The following RPTOR variants were observed in gnomAD, a reference collection of about 807,000 sequenced individuals.
The protein encoded by RPTOR is regulatory-associated protein of mTOR.
In RPTOR, 21 loss-of-function variants were observed where a neutral mutation model predicts 169.9. The observed-to-expected ratio is 0.12, with a 90% CI of 0.09 to 0.18. The LOEUF is 0.18. Ranked by LOEUF, RPTOR falls within the 10% of genes least tolerant of loss-of-function variation. The probability of loss-of-function intolerance (pLI) is 1.00; values close to 1 mark genes in which losing one functional copy is unlikely to be tolerated. For synonymous variants in RPTOR, 732 were observed against 753.2 expected, an observed-to-expected ratio of 0.97 and a Z score of 0.46; for missense variants, 1,133 against 1,855.9, an observed-to-expected ratio of 0.61 and a Z score of 7.16.
At chr17:80,688,667 C>T (rs1218248418) in intron 3 of RPTOR, among the ~76,000 whole-genome samples, 3 of 152,232 alleles carry the variant, frequency 2.0e-5, no homozygotes, top group South Asian at 2.1e-4. Flanking sequence ...TTAAGCATCT[C>T]CGGTGCTATG....
At chr17:80,961,528 T>C in intron 31 of RPTOR, 48 bp downstream of exon 31, 5 of 1,523,574 alleles carry the variant, frequency 3.3e-6, no homozygotes, top group Non-Finnish European at 4.4e-6. Flanking sequence ...AAAACATTAT[T>C]TTCCCCTCCA....
intron 13 of RPTOR, among the ~76,000 whole-genome samples, chr17:80,865,053 G>C (rs996198749): frequency 6.6e-6 from 1 of 152,260 alleles, no homozygotes; most frequent in African/African-American, 2.4e-5. Flanking sequence ...ATGGGGAGGA[G>C]AGAGAATGAA....
At chr17:80,956,711 C>T (rs893386988) in intron 28 of RPTOR, among the ~76,000 whole-genome samples, 10 of 152,232 alleles carry the variant, frequency 6.6e-5, no homozygotes, top group African/African-American at 1.9e-4. Flanking sequence ...CTTAGACAGA[C>T]GTTGCTGGAA....
intron 7 of RPTOR, among the ~76,000 whole-genome samples, chr17:80,813,886 C>T (rs918561638): frequency 6.6e-6 from 1 of 152,158 alleles, no homozygotes; most frequent in Non-Finnish European, 1.5e-5. Flanking sequence ...GTAATCCCAG[C>T]AGTTTGGGAG....
rs190166734 is a variant in RPTOR at position 80,774,029 on chromosome 17, C to T, written c.831-17421C>T. On this transcript the variant is annotated intron_variant, in intron 6 of 33. Transcript: ENST00000306801. The stretch of plus-strand genomic sequence containing the variant: ...GGCTGAGTCAGGCTTTAATGTAAAC[C>T]ATCACTCCCTGTTTTTCTATTTCTT... 1.7e-3 allele frequency: 1,689 copies of T among 985,418 alleles called. 3 individuals are homozygous for T. Among genetic ancestry groups the T allele is most frequent in the Non-Finnish European group, 1.9e-3 (1,597 of 829,914 alleles). The allele number at this position is 985,418 out of a possible 1,614,324, so 61.0% of individuals were successfully genotyped here.
chr17:80,575,669 A>G (rs1438820049), intron 1 of RPTOR, among the ~76,000 whole-genome samples: 1 of 152,184 alleles, frequency 6.6e-6, no homozygotes, highest in Non-Finnish European at 1.5e-5. Context: ...TGTGTACTTG[A>G]ACACGATGCG....
At chr17:80,546,154 A>G (rs2084271726) in intron 1 of RPTOR, among the ~76,000 whole-genome samples, 2 of 152,244 alleles carry the variant, frequency 1.3e-5, no homozygotes, top group Admixed American at 6.5e-5. Context: ...TTATACCCAC[A>G]TGATTAGTCT....
chr17:80,585,891 C>CAG lies in RPTOR; in HGVS notation c.163-39799_163-39798insGA, dbSNP rs570865556. ...ATTTGTAGTATTTATGAAAAATACT[C>CAG]ATTCTAAGTCTGCTTCCTTTTATAA... On this transcript the variant is annotated intron_variant, in intron 1 of 33. Transcript: ENST00000306801. Among the ~76,000 whole-genome samples the CAG allele has an allele frequency of 1.9e-3, 293 of 152,254 alleles. 1 individual carries two copies. Among genetic ancestry groups the CAG allele is most frequent in the Non-Finnish European group, 3.6e-3 (243 of 68,028 alleles).
At chr17:80,836,548 G>A (rs957629542) in intron 9 of RPTOR, among the ~76,000 whole-genome samples, 3 of 152,152 alleles carry the variant, frequency 2.0e-5, no homozygotes, top group Admixed American at 6.5e-5. Context: ...AGCAGGGGTC[G>A]GTCAGAGGCA....
intron 1 of RPTOR, among the ~76,000 whole-genome samples, chr17:80,589,704 G>T (rs1355075253): frequency 2.0e-5 from 3 of 151,648 alleles, no homozygotes; most frequent in Non-Finnish European, 4.4e-5. Context: ...ATTGTGTGTT[G>T]TTTGTTCTGG....
intron 3 of RPTOR, among the ~76,000 whole-genome samples, chr17:80,703,257 C>T (rs962554897): frequency 6.6e-6 from 1 of 152,186 alleles, no homozygotes; most frequent in East Asian, 1.9e-4. Context: ...ATTGCCTCGC[C>T]GTCTGGCAAG....
intron 9 of RPTOR, among the ~76,000 whole-genome samples, chr17:80,837,512 T>C (rs376168198): frequency 3.0e-4 from 46 of 152,238 alleles, no homozygotes; most frequent in South Asian, 1.0e-3. Context: ...TCCAGGACGC[T>C]GCCCCATCAG....
At chr17:80,557,997 C>G (rs553051193) in intron 1 of RPTOR, among the ~76,000 whole-genome samples, 1 of 151,432 alleles carries the variant, frequency 6.6e-6, no homozygotes, top group South Asian at 2.1e-4. Context: ...CATTGCAAAT[C>G]AATGCTTTAA....
At chr17:80,749,908 G>A (rs899867010) in intron 5 of RPTOR, among the ~76,000 whole-genome samples, 1 of 151,800 alleles carries the variant, frequency 6.6e-6, no homozygotes, top group African/African-American at 2.4e-5. Flanking sequence ...AGAGACAGGG[G>A]TCTTGCCATA....
intron 20 of RPTOR, among the ~76,000 whole-genome samples, chr17:80,904,662 C>T (rs969976186): frequency 3.3e-5 from 5 of 152,184 alleles, no homozygotes; most frequent in Non-Finnish European, 7.3e-5. Context: ...CCCTGACTCC[C>T]TGCCGGGCAG....
At chr17:80,930,425 T>C (rs2068878437) in intron 24 of RPTOR, among the ~76,000 whole-genome samples, 1 of 366 alleles carries the variant, frequency 2.7e-3, no homozygotes. Flanking sequence ...CATCCTCAGC[T>C]CATCCTCATC....
chr17:80,822,367 G>A (rs2067388960), intron 8 of RPTOR, 66 bp downstream of exon 8: 10 of 1,445,878 alleles, frequency 6.9e-6, no homozygotes, highest in East Asian at 2.3e-5. Context: ...GCCGACTCTC[G>A]GACATGAGAG....
chr17:80,620,250 A>C (rs1399814985), intron 1 of RPTOR, among the ~76,000 whole-genome samples: 1 of 152,250 alleles, frequency 6.6e-6, no homozygotes, highest in Non-Finnish European at 1.5e-5. Flanking sequence ...TAACGATGTC[A>C]TCTTAAATTA....
intron 11 of RPTOR, among the ~76,000 whole-genome samples, chr17:80,851,721 C>T (rs766525301): frequency 3.3e-5 from 5 of 152,198 alleles, no homozygotes; most frequent in Non-Finnish European, 5.9e-5. Flanking sequence ...TGTGAACCAG[C>T]GTCCCGCTTG....
Sources: gnomAD v4.1 joint callset for allele counts (sites outside exome capture counted in the v4.1 genomes callset) on GRCh38, gnomAD v4.1.1 for gene constraint, MANE v1.5 for transcripts, NCBI Gene and HGNC (gene_info 2026-07-23, HGNC 2026-07-21) for gene names.